LARGE1: variants seen among roughly 807,000 people sequenced by gnomAD.
LARGE1 encodes xylosyl- and glucuronyltransferase LARGE1.
Under a neutral mutation model 87.6 loss-of-function variants are expected in LARGE1, and 43 were observed. The ratio of observed to expected loss-of-function variants is 0.49; its 90% CI spans 0.38 to 0.63. The LOEUF is 0.63. Among genes scored for constraint, LARGE1 ranks in the 30% least tolerant of loss-of-function variants. The pLI is 0.00. For missense variants in LARGE1, 802 were observed against 1,000.2 expected, an observed-to-expected ratio of 0.80 and a Z score of 2.67; for synonymous variants, 434 against 394.6, an observed-to-expected ratio of 1.10 and a Z score of -1.18.
At chr22:33,752,057 C>T (rs1431174185) in intron 2 of LARGE1, among the ~76,000 whole-genome samples, 1 of 152,226 alleles carries the variant, frequency 6.6e-6, no homozygotes, top group Non-Finnish European at 1.5e-5. Flanking sequence ...GCTGGGATTA[C>T]AGGCGTGAGC....
chr22:33,635,237 G>A (rs1341111465), intron 3 of LARGE1, among the ~76,000 whole-genome samples: 1 of 152,142 alleles, frequency 6.6e-6, no homozygotes, highest in Non-Finnish European at 1.5e-5. Context: ...GGGGATCGAG[G>A]CCCTTTATTT....
At chr22:33,735,414 TTC>T (rs2083620232) in intron 2 of LARGE1, among the ~76,000 whole-genome samples, 2 of 152,198 alleles carry the variant, frequency 1.3e-5, no homozygotes, top group Non-Finnish European at 2.9e-5. Flanking sequence ...CTTAATAAAC[TTC>T]TGTTTGATTT....
At chr22:33,375,180 T>G (rs2147051052) in intron 9 of LARGE1, among the ~76,000 whole-genome samples, 1 of 152,304 alleles carries the variant, frequency 6.6e-6, no homozygotes, top group South Asian at 2.1e-4. Context: ...CACTTAAATG[T>G]TTTGTTTTCC....
At chr22:33,824,840 T>C (rs549733244) in intron 1 of LARGE1, among the ~76,000 whole-genome samples, 9 of 152,216 alleles carry the variant, frequency 5.9e-5, no homozygotes, top group Non-Finnish European at 1.2e-4. Flanking sequence ...CTTCAATAAA[T>C]GTCAGTTTAT....
chr22:33,689,591 G>A (rs896687462), intron 2 of LARGE1, among the ~76,000 whole-genome samples: 1 of 152,036 alleles, frequency 6.6e-6, no homozygotes, highest in Non-Finnish European at 1.5e-5. Flanking sequence ...AGAAGAGATA[G>A]GCAAAATGCT....
Position 33,584,521 on chromosome 22 carries a change from G to A in LARGE1, c.616-19502C>T, listed in dbSNP as rs981234098. Among the ~76,000 whole-genome samples, 52 of 152,138 alleles carry A rather than the reference G, an allele frequency of 3.4e-4. 1 individual carries two copies. Among genetic ancestry groups the A allele is most frequent in the Admixed American group, 2.6e-4 (4 of 15,256 alleles). On this transcript the variant is annotated intron_variant, in intron 5 of 14. Coordinates refer to ENST00000397394, the MANE Select transcript of LARGE1 (RefSeq NM_133642.5). ...ATGAGCTTTTCCTCATCTGTATTCT[G>A]GAACAGTGTGCATTCAGCAAATCCT...
At chr22:33,835,512 G>A (rs2063086230) in intron 1 of LARGE1, among the ~76,000 whole-genome samples, 1 of 152,206 alleles carries the variant, frequency 6.6e-6, no homozygotes, top group African/African-American at 2.4e-5. Context: ...CATTCCCCAG[G>A]CTGGTGGATC....
intron 1 of LARGE1, among the ~76,000 whole-genome samples, chr22:33,849,062 T>G (rs545563797): frequency 2.1e-4 from 32 of 152,350 alleles, no homozygotes; most frequent in Non-Finnish European, 4.3e-4. Flanking sequence ...AGACACCTTC[T>G]CTGACACAGG....
At chr22:33,221,217 C>T (rs1925442658) in intron 11 of LARGE1, among the ~76,000 whole-genome samples, 1 of 151,986 alleles carries the variant, frequency 6.6e-6, no homozygotes, top group Non-Finnish European at 1.5e-5. Context: ...AAGCAAAAGG[C>T]TATTTCCACA....
intron 6 of LARGE1, among the ~76,000 whole-genome samples, chr22:33,564,230 T>G (rs540245227): frequency 3.3e-4 from 51 of 152,338 alleles, no homozygotes; most frequent in African/African-American, 1.0e-3. Flanking sequence ...AGATTTGTGC[T>G]AACCTGCCAC....
chr22:33,085,531 C>G, the LARGE1 span, among the ~76,000 whole-genome samples: 1 of 152,080 alleles, frequency 6.6e-6, no homozygotes, highest in Non-Finnish European at 1.5e-5. Context: ...TCAGTATCAA[C>G]ATTGGGTTCA....
At chr22:33,459,511 A>C (rs918260369) in intron 6 of LARGE1, among the ~76,000 whole-genome samples, 2 of 148,694 alleles carry the variant, frequency 1.3e-5, no homozygotes, top group East Asian at 3.9e-4. Flanking sequence ...AATGGTATCC[A>C]ACCTTCTGAG....
At chr22:33,865,200 T>C (rs938852132) in intron 1 of LARGE1, among the ~76,000 whole-genome samples, 5 of 152,336 alleles carry the variant, frequency 3.3e-5, no homozygotes, top group African/African-American at 2.4e-5. Flanking sequence ...TTCACCCATC[T>C]TCAAGAAGGG....
chr22:33,234,911 A>ACG (rs1159732715), intron 11 of LARGE1, among the ~76,000 whole-genome samples: 740 of 72,260 alleles, frequency 0.01, 8 homozygotes, highest in African/African-American at 0.085. Flanking sequence ...GTGTTGGGGA[A>ACG]TGCTACACAT....
intron 1 of LARGE1, among the ~76,000 whole-genome samples, chr22:33,798,888 C>G (rs571005044): frequency 1.3e-5 from 2 of 152,294 alleles, no homozygotes; most frequent in African/African-American, 2.4e-5. Context: ...ATACATCCTA[C>G]AGCAAAACCA....
intron 3 of LARGE1, 48 bp from the exon 4 acceptor site, chr22:33,626,374 G>A (rs528130367): frequency 2.1e-6 from 3 of 1,461,722 alleles, no homozygotes; most frequent in Admixed American, 3.4e-5. Context: ...ACGGAAGGAG[G>A]CCTTCCTGGT....
chr22:33,655,595 T>C (rs2080936869), intron 2 of LARGE1, among the ~76,000 whole-genome samples: 1 of 152,156 alleles, frequency 6.6e-6, no homozygotes. Flanking sequence ...TAGCTGTATA[T>C]GCACACTCTA....
At chr22:33,201,709 T>C (rs1158625713) in intron 11 of LARGE1, among the ~76,000 whole-genome samples, 2 of 151,990 alleles carry the variant, frequency 1.3e-5, no homozygotes, top group African/African-American at 4.8e-5. Context: ...GGGCTGAGGG[T>C]CAGAGAAGTG....
chr22:33,086,576 CAG>C, the LARGE1 span, among the ~76,000 whole-genome samples: 4 of 115,702 alleles, frequency 3.5e-5, no homozygotes, highest in Admixed American at 1.1e-4. Context: ...TTTTTTGAGA[CAG>C]AGTCTCTCTC....
Sources: gnomAD v4.1 joint callset for allele counts (sites outside exome capture counted in the v4.1 genomes callset) on GRCh38, gnomAD v4.1.1 for gene constraint, MANE v1.5 for transcripts, NCBI Gene and HGNC (gene_info 2026-07-23, HGNC 2026-07-21) for gene names.